PTPRD: variants seen among roughly 807,000 people sequenced by gnomAD.
PTPRD encodes the protein protein tyrosine phosphatase receptor type D.
A neutral mutation model predicts 214.5 loss-of-function variants in PTPRD; 34 were observed. The ratio of observed to expected loss-of-function variants is 0.16; its 90% CI spans 0.12 to 0.21. The LOEUF (loss-of-function observed/expected upper bound fraction) is 0.21, where lower values mean the gene tolerates loss of function less well. PTPRD is among the 10% of genes least tolerant of loss of function. The pLI, the probability that PTPRD is intolerant of heterozygous loss-of-function variation, is 1.00. For missense variants in PTPRD, 2,545 were observed against 2,398.7 expected, an observed-to-expected ratio of 1.06 and a Z score of -1.27; for synonymous variants, 1,128 against 845.7, an observed-to-expected ratio of 1.33 and a Z score of -5.79.
At chr9:10,400,368 T>C (rs2098249867) in intron 2 of PTPRD, among the ~76,000 whole-genome samples, 1 of 151,812 alleles carries the variant, frequency 6.6e-6, no homozygotes, top group African/African-American at 2.4e-5. Flanking sequence ...AGACAAGTAC[T>C]TTAAATTTTA....
chr9:9,322,168 A>G (rs1346417718), intron 9 of PTPRD, among the ~76,000 whole-genome samples: 1 of 152,186 alleles, frequency 6.6e-6, no homozygotes, highest in African/African-American at 2.4e-5. Flanking sequence ...ATGGTCTTAA[A>G]GTATTGTAGC....
intron 11 of PTPRD, among the ~76,000 whole-genome samples, chr9:8,921,170 C>A: frequency 6.6e-6 from 1 of 152,180 alleles, no homozygotes; most frequent in East Asian, 1.9e-4. Flanking sequence ...CCACTGGAAT[C>A]TGTGAGGCTA....
chr9:10,534,938 T>C (rs182420670), intron 2 of PTPRD, among the ~76,000 whole-genome samples: 29 of 152,256 alleles, frequency 1.9e-4, no homozygotes, highest in Admixed American at 4.6e-4. Flanking sequence ...ATAAACAAAA[T>C]AGCAACATTG....
At chr9:8,570,210 G>GTAATGTAA (rs2090693320) in intron 14 of PTPRD, among the ~76,000 whole-genome samples, 1 of 151,990 alleles carries the variant, frequency 6.6e-6, no homozygotes, top group Non-Finnish European at 1.5e-5. Context: ...TGTAAATTGA[G>GTAATGTAA]ATTATTAACA....
chr9:9,943,528 T>C (rs2092004456), intron 4 of PTPRD, among the ~76,000 whole-genome samples: 1 of 152,178 alleles, frequency 6.6e-6, no homozygotes. Context: ...ATGGAACATA[T>C]CTTCTAGTTG....
intron 10 of PTPRD, among the ~76,000 whole-genome samples, chr9:9,019,156 T>C (rs1212268421): frequency 6.6e-6 from 1 of 152,048 alleles, no homozygotes; most frequent in Non-Finnish European, 1.5e-5. Flanking sequence ...AAGATTTTAA[T>C]TCCTTGGTAA....
intron 2 of PTPRD, among the ~76,000 whole-genome samples, chr9:10,420,781 A>C (rs1440214999): frequency 6.6e-6 from 1 of 151,924 alleles, no homozygotes; most frequent in Admixed American, 6.6e-5. Flanking sequence ...ATTCTTTATC[A>C]CTTAAATATT....
chr9:10,050,609 A>C (rs545556042), intron 3 of PTPRD, among the ~76,000 whole-genome samples: 4 of 148,410 alleles, frequency 2.7e-5, no homozygotes, highest in Non-Finnish European at 6.0e-5. Context: ...CAATTTAAAA[A>C]CTAACTCTAA....
chr9:9,536,729 G>A (rs1440520182), intron 8 of PTPRD, among the ~76,000 whole-genome samples: 5 of 152,008 alleles, frequency 3.3e-5, no homozygotes, highest in African/African-American at 7.2e-5. Flanking sequence ...AAGCACTATC[G>A]CTTTTCAAAG....
chr9:8,771,349 A>G (rs1281986207), intron 11 of PTPRD, among the ~76,000 whole-genome samples: 1 of 152,212 alleles, frequency 6.6e-6, no homozygotes. Flanking sequence ...AAAATACTAA[A>G]GACTATCACT....
chr9:8,499,740 C>A lies in PTPRD; in HGVS notation c.2229G>T (p.Gln743His), dbSNP rs879045110. 1 of 1,614,158 alleles carries A rather than the reference C, an allele frequency of 6.2e-7. No homozygotes were observed. The highest frequency in any genetic ancestry group is 8.5e-7 in the Non-Finnish European group (1 of 1,180,006). Residue 743 changes from glutamine to histidine, a missense_variant, in exon 25 of 46, where the codon CAG (glutamine) becomes CAT (histidine). Coordinates refer to ENST00000381196, the MANE Select transcript of PTPRD (RefSeq NM_002839.4). Reference protein sequence around the residue: ...RSPVPNKQHGQIRGYQVHYVR... With the variant: ...RSPVPNKQHGHIRGYQVHYVR... Reference sequence around the variant, plus strand: ...CATAATGCACCTGATATCCTCTTATCTGGCCATGCTGTTTATTGGGCACGG... The same window carrying A: ...CATAATGCACCTGATATCCTCTTATATGGCCATGCTGTTTATTGGGCACGG...
chr9:9,184,980 G>A (rs905184775), intron 9 of PTPRD, among the ~76,000 whole-genome samples: 5 of 152,184 alleles, frequency 3.3e-5, no homozygotes, highest in Admixed American at 2.6e-4. Flanking sequence ...CTCACAGCAA[G>A]TGGAACACAT....
chr9:8,840,659 G>C (rs972100161), intron 11 of PTPRD, among the ~76,000 whole-genome samples: 1 of 152,146 alleles, frequency 6.6e-6, no homozygotes, highest in Non-Finnish European at 1.5e-5. Flanking sequence ...ATCAGAATGT[G>C]AACTACCACT....
intron 10 of PTPRD, among the ~76,000 whole-genome samples, chr9:9,113,726 T>C (rs1467962232): frequency 6.6e-6 from 1 of 152,152 alleles, no homozygotes; most frequent in Non-Finnish European, 1.5e-5. Flanking sequence ...TTCTTACTAG[T>C]GCTGCCAGGG....
At chr9:10,385,709 T>C (rs375595585) in intron 2 of PTPRD, among the ~76,000 whole-genome samples, 66 of 151,956 alleles carry the variant, frequency 4.3e-4, no homozygotes, top group African/African-American at 1.6e-3. Context: ...TTATGGCTTA[T>C]CATAAATGGC....
rs141946645 is a variant in PTPRD at position 10,479,658 on chromosome 9, T to TAAATAAATAAACAAACAAAC, written c.-600+132739_-600+132740insGTTTGTTTGTTTATTTATTT. On this transcript the variant is annotated intron_variant, in intron 2 of 45. Coordinates refer to ENST00000381196, the MANE Select transcript of PTPRD (RefSeq NM_002839.4). ...ATAAATAAATAAATAAATAAATAAA[T>TAAATAAATAAACAAACAAAC]AAACAAAAATACAAAAATTTGCCAA... Among the ~76,000 whole-genome samples, 1,442 of 145,876 alleles carry TAAATAAATAAACAAACAAAC rather than the reference T, an allele frequency of 9.9e-3. 10 individuals carry two copies. The highest frequency in any genetic ancestry group is 0.026 in the East Asian group (126 of 4,870).
At chr9:8,823,495 A>T (rs576868589) in intron 11 of PTPRD, among the ~76,000 whole-genome samples, 4 of 152,104 alleles carry the variant, frequency 2.6e-5, no homozygotes, top group South Asian at 4.2e-4. Flanking sequence ...AAGAAATCAC[A>T]CCTTAGCTGG....
chr9:8,333,170 A>T (rs1843167335), intron 43 of PTPRD, among the ~76,000 whole-genome samples: 1 of 152,164 alleles, frequency 6.6e-6, no homozygotes, highest in African/African-American at 2.4e-5. Flanking sequence ...TGGCCCCATA[A>T]GTACTTTATG....
rs78013357 is a variant in PTPRD, at chr9:10,262,524, C to G, written c.-545+78439G>C. Among the ~76,000 whole-genome samples the G allele has an allele frequency of 8.9e-3, 1,350 of 152,248 alleles. 23 individuals are homozygous for G. The highest frequency in any genetic ancestry group is 0.031 in the African/African-American group (1,272 of 41,550). ...CAAGTTCATGTTGTTAACTACTATC[C>G]TATACCATCCATGTAGGATACATAA... On this transcript the variant is annotated intron_variant, in intron 3 of 45. Transcript: ENST00000381196.
Sources: gnomAD v4.1 joint callset for allele counts (sites outside exome capture counted in the v4.1 genomes callset) on GRCh38, gnomAD v4.1.1 for gene constraint, MANE v1.5 for transcripts, NCBI Gene and HGNC (gene_info 2026-07-23, HGNC 2026-07-21) for gene names.